SHANK2: variants seen among roughly 807,000 people sequenced by gnomAD.
SHANK2 encodes SH3 and multiple ankyrin repeat domains 2, also known as SH3 and multiple ankyrin repeat domains protein 2.
Under a neutral mutation model 133.7 loss-of-function variants are expected in SHANK2, and 43 were observed. The ratio of observed to expected loss-of-function variants is 0.32; its 90% CI spans 0.25 to 0.41. The LOEUF (loss-of-function observed/expected upper bound fraction) is 0.41. SHANK2 is among the 10% of genes least tolerant of loss of function. The pLI is 1.00. For missense variants in SHANK2, 1,994 were observed against 2,235.8 expected, an observed-to-expected ratio of 0.89 and a Z score of 2.18; for synonymous variants, 1,017 against 952.8, an observed-to-expected ratio of 1.07 and a Z score of -1.24.
intron 14 of SHANK2, among the ~76,000 whole-genome samples, chr11:70,730,884 TA>T (rs1267038139): frequency 2.7e-5 from 4 of 149,916 alleles, no homozygotes; most frequent in South Asian, 2.1e-4. Context: ...TACTAATCAT[TA>T]AAAAAATACA....
intron 1 of SHANK2, among the ~76,000 whole-genome samples, chr11:71,232,495 G>C (rs1194733050): frequency 6.6e-6 from 1 of 151,836 alleles, no homozygotes; most frequent in Non-Finnish European, 1.5e-5. Flanking sequence ...CACCTCTGCC[G>C]CCTCTGAGAA....
At position 71,188,777 on chromosome 11, in the gene SHANK2, G is replaced by C. The variant is rs972923018; in HGVS notation, c.-13+35920C>G. On this transcript the variant is annotated intron_variant, in intron 2 of 25. Transcript: ENST00000601538. The surrounding 1 kb of genome is among the most constrained non-coding windows in gnomAD (Gnocchi z 4.6). Reference sequence around the variant, plus strand: ...CACTGTGCTGGGTGCTGGCCTCACTGAGATAACTACGACCACCTCCAAATG... The same window carrying C: ...CACTGTGCTGGGTGCTGGCCTCACTCAGATAACTACGACCACCTCCAAATG... Among the ~76,000 whole-genome samples the C allele has an allele frequency of 1.3e-5, 2 of 152,202 alleles. No homozygotes were observed.
intron 17 of SHANK2, among the ~76,000 whole-genome samples, chr11:70,545,923 C>T (rs995918648): frequency 6.6e-6 from 1 of 152,080 alleles, no homozygotes. Flanking sequence ...TCACAATACT[C>T]GGGAACATGC....
At chr11:70,591,117 G>A (rs550600128) in intron 17 of SHANK2, among the ~76,000 whole-genome samples, 4 of 152,262 alleles carry the variant, frequency 2.6e-5, no homozygotes, top group African/African-American at 4.8e-5. Context: ...CGAGGTGGGC[G>A]GATCACTGGA....
intron 11 of SHANK2, among the ~76,000 whole-genome samples, chr11:70,885,194 A>AGGGGAACCGCAC (rs1555073190): frequency 8.6e-5 from 13 of 151,546 alleles, no homozygotes; most frequent in South Asian, 2.1e-4. Flanking sequence ...CGCTGTATAG[A>AGGGGAACCGCAC]GGGGAACCGC....
intron 17 of SHANK2, among the ~76,000 whole-genome samples, chr11:70,644,931 C>T (rs1316662022): frequency 6.6e-6 from 1 of 152,192 alleles, no homozygotes; most frequent in Non-Finnish European, 1.5e-5. Flanking sequence ...ATCAAAAGAT[C>T]TCGTCAAAGG....
intron 2 of SHANK2, among the ~76,000 whole-genome samples, chr11:71,167,390 C>T (rs1555111139): frequency 6.6e-6 from 1 of 151,054 alleles, no homozygotes; most frequent in Admixed American, 6.6e-5. Context: ...ACCTCCCGGA[C>T]AGGGCGGCTG....
chr11:71,248,289 G>C (rs573784250), intron 1 of SHANK2, among the ~76,000 whole-genome samples: 4 of 152,372 alleles, frequency 2.6e-5, no homozygotes, highest in Non-Finnish European at 4.4e-5. Flanking sequence ...AATGGAAAAC[G>C]TGGGGCACAT....
At chr11:70,760,498 G>C (rs1177726138) in intron 14 of SHANK2, among the ~76,000 whole-genome samples, 2 of 152,178 alleles carry the variant, frequency 1.3e-5, no homozygotes, top group African/African-American at 4.8e-5. Flanking sequence ...CTCATCTCAA[G>C]ATCCTTAACT....
chr11:70,522,519 C>T (rs1028521999), intron 17 of SHANK2, among the ~76,000 whole-genome samples: 5 of 152,190 alleles, frequency 3.3e-5, no homozygotes, highest in East Asian at 1.9e-4. Context: ...ATTCAAACCC[C>T]GATCTTATTT....
chr11:71,248,329 C>T (rs1190765448), intron 1 of SHANK2, among the ~76,000 whole-genome samples: 1 of 152,224 alleles, frequency 6.6e-6, no homozygotes, highest in African/African-American at 2.4e-5. Context: ...CTGGTTTTCA[C>T]CTGCTGACCG....
chr11:71,190,674 C>T (rs907308872), intron 2 of SHANK2, among the ~76,000 whole-genome samples: 4 of 152,178 alleles, frequency 2.6e-5, no homozygotes, highest in Admixed American at 6.5e-5. Context: ...TCCTGCAGGC[C>T]GTGACAGAAT....
intron 3 of SHANK2, among the ~76,000 whole-genome samples, chr11:71,141,187 C>T (rs1412637072): frequency 3.3e-5 from 5 of 152,144 alleles, no homozygotes; most frequent in East Asian, 1.9e-4. Context: ...GCCCTGTGGA[C>T]GGGTGTGTTA....
At chr11:71,125,329 C>T (rs1555102436) in intron 3 of SHANK2, among the ~76,000 whole-genome samples, 1 of 152,132 alleles carries the variant, frequency 6.6e-6, no homozygotes, top group African/African-American at 2.4e-5. Context: ...AGTAAGCCAT[C>T]GTGTGAATGC....
chr11:71,129,603 C>T (rs782057271), intron 3 of SHANK2, among the ~76,000 whole-genome samples: 2 of 152,026 alleles, frequency 1.3e-5, no homozygotes, highest in Non-Finnish European at 2.9e-5. Context: ...ATGATTGCAC[C>T]GCTGCATTCC....
intron 17 of SHANK2, among the ~76,000 whole-genome samples, chr11:70,528,758 A>G (rs1371437164): frequency 6.6e-6 from 1 of 151,054 alleles, no homozygotes; most frequent in Non-Finnish European, 1.5e-5. Flanking sequence ...CGTGGGGGAG[A>G]TCACCTACGC....
At chr11:70,896,685 G>A in intron 10 of SHANK2, 118 bp from the exon 11 acceptor site, 1 of 628,522 alleles carries the variant, frequency 1.6e-6, no homozygotes, top group Non-Finnish European at 2.9e-6. Context: ...CCTTTAAAAT[G>A]GCAGCCGCAA....
intron 17 of SHANK2, among the ~76,000 whole-genome samples, chr11:70,521,169 T>C (rs1554970939): frequency 6.6e-6 from 1 of 152,246 alleles, no homozygotes; most frequent in East Asian, 1.9e-4. Flanking sequence ...TTTATATTGG[T>C]GTCTCTTTCT....
chr11:71,119,164 G>C, intron 3 of SHANK2, 132 bp from the exon 4 acceptor site: 2 of 675,568 alleles, frequency 3.0e-6, no homozygotes, highest in East Asian at 2.8e-5. Flanking sequence ...GTGAACCCAC[G>C]GCTTTTCACA....
Sources: allele counts gnomAD v4.1 joint callset (sites outside exome capture counted in the v4.1 genomes callset), GRCh38; gene constraint gnomAD v4.1.1; non-coding constraint Gnocchi (gnomAD v3.1); transcripts MANE v1.5; gene names NCBI Gene and HGNC (gene_info 2026-07-23, HGNC 2026-07-21).